Variants in HS3ST4 observed in about 807,000 individuals in gnomAD.
HS3ST4 encodes heparan sulfate glucosamine 3-O-sulfotransferase 4.
In HS3ST4, 17 loss-of-function variants were observed where a neutral mutation model predicts 29.2. The ratio of observed to expected loss-of-function variants is 0.58; its 90% CI spans 0.40 to 0.87. The LOEUF (loss-of-function observed/expected upper bound fraction) is 0.87. Among genes scored for constraint, HS3ST4 ranks in the 40% least tolerant of loss-of-function variants. The pLI, the probability that HS3ST4 is intolerant of heterozygous loss-of-function variation, is 0.00. For synonymous variants in HS3ST4, 314 were observed against 285.7 expected (o/e 1.10, Z -1.00); for missense variants, 627 against 634.5 (o/e 0.99, Z 0.13).
intron 1 of HS3ST4, among the ~76,000 whole-genome samples, chr16:25,793,911 TA>T (rs1214240686): frequency 6.6e-6 from 1 of 152,060 alleles, no homozygotes; most frequent in Non-Finnish European, 1.5e-5. Context: ...TTTAGATTTT[TA>T]GTTTTCCATG....
chr16:25,931,151 G>A (rs965525884), intron 1 of HS3ST4, among the ~76,000 whole-genome samples: 79 of 152,130 alleles, frequency 5.2e-4, no homozygotes, highest in African/African-American at 1.7e-3. Flanking sequence ...TTTGGGGACC[G>A]CGTACCTTTC....
At chr16:25,863,607 TCTATCTTG>T (rs1201536334) in intron 1 of HS3ST4, among the ~76,000 whole-genome samples, 1 of 148,944 alleles carries the variant, frequency 6.7e-6, no homozygotes, top group Non-Finnish European at 1.5e-5. Context: ...AAAGAAATAC[TCTATCTTG>T]CTTGAAGAGA....
At chr16:25,924,461 A>G (rs1448340581) in intron 1 of HS3ST4, among the ~76,000 whole-genome samples, 2 of 152,210 alleles carry the variant, frequency 1.3e-5, no homozygotes, top group Non-Finnish European at 2.9e-5. Context: ...CTGTGCTAGA[A>G]ATCCTTTAGG....
At chr16:25,857,892 T>C (rs1246297939) in intron 1 of HS3ST4, among the ~76,000 whole-genome samples, 25 of 82,768 alleles carry the variant, frequency 3.0e-4, no homozygotes, top group African/African-American at 9.0e-4. Context: ...CTTTCTTTCT[T>C]TTTCTTTCTT....
intron 1 of HS3ST4, among the ~76,000 whole-genome samples, chr16:25,732,914 G>T (rs1014901978): frequency 3.9e-5 from 6 of 152,076 alleles, no homozygotes; most frequent in Non-Finnish European, 8.8e-5. Flanking sequence ...TTATAGCCCT[G>T]TGCCTAGCCC....
intron 1 of HS3ST4, among the ~76,000 whole-genome samples, chr16:25,768,999 G>A (rs11074717): frequency 0.67 from 102,408 of 151,938 alleles, 34,757 homozygotes; most frequent in Middle Eastern, 0.73. Context: ...CACTGATGTG[G>A]TCTTTCTGGC....
chr16:25,905,457 C>A (rs1254195802), intron 1 of HS3ST4, among the ~76,000 whole-genome samples: 2 of 152,118 alleles, frequency 1.3e-5, no homozygotes, highest in Non-Finnish European at 2.9e-5. Flanking sequence ...TACCTTGTTT[C>A]TCAAAGAGTG....
chr16:25,921,629 C>T (rs1223156218), intron 1 of HS3ST4, among the ~76,000 whole-genome samples: 1 of 152,158 alleles, frequency 6.6e-6, no homozygotes, highest in Non-Finnish European at 1.5e-5. Context: ...TTCTTGTCAT[C>T]TCATCAGCAG....
chr16:25,956,490 G>A (rs1331313561), intron 1 of HS3ST4, among the ~76,000 whole-genome samples: 1 of 152,090 alleles, frequency 6.6e-6, no homozygotes, highest in African/African-American at 2.4e-5. Context: ...GAAATCTAGG[G>A]CATCCAAATT....
intron 1 of HS3ST4, among the ~76,000 whole-genome samples, chr16:25,915,994 T>G (rs58109786): frequency 0.34 from 52,284 of 152,054 alleles, 11,234 homozygotes; most frequent in African/African-American, 0.6. Flanking sequence ...ATGATCAGTA[T>G]CAGTTTTTAG....
intron 1 of HS3ST4, among the ~76,000 whole-genome samples, chr16:25,750,499 T>C (rs1372941434): frequency 6.6e-6 from 1 of 152,210 alleles, no homozygotes; most frequent in African/African-American, 2.4e-5. Context: ...GACCTGATGC[T>C]ACCTTTGTGT....
At chr16:25,697,234 T>G (rs1240849851) in intron 1 of HS3ST4, among the ~76,000 whole-genome samples, 1 of 152,154 alleles carries the variant, frequency 6.6e-6, no homozygotes, top group Non-Finnish European at 1.5e-5. Context: ...GTGGGAGGGT[T>G]GTGGAGACAG....
intron 1 of HS3ST4, among the ~76,000 whole-genome samples, chr16:25,769,988 C>T (rs1966839858): frequency 6.6e-6 from 1 of 152,154 alleles, no homozygotes; most frequent in South Asian, 2.1e-4. Context: ...TTGGGGGTCA[C>T]TGAAAGGATT....
At chr16:25,987,274 G>A (rs993214769) in intron 1 of HS3ST4, among the ~76,000 whole-genome samples, 5 of 151,986 alleles carry the variant, frequency 3.3e-5, no homozygotes, top group East Asian at 1.9e-4. Flanking sequence ...CGCTTGAACC[G>A]GGAGGCAGAG....
intron 1 of HS3ST4, among the ~76,000 whole-genome samples, chr16:25,923,573 T>C (rs1283419032): frequency 1.3e-5 from 2 of 152,324 alleles, no homozygotes; most frequent in East Asian, 1.9e-4. Flanking sequence ...TTCATTATAC[T>C]GTATTTACCT....
intron 1 of HS3ST4, among the ~76,000 whole-genome samples, chr16:26,102,837 C>T (rs1204944910): frequency 2.6e-5 from 4 of 152,100 alleles, no homozygotes; most frequent in Admixed American, 6.6e-5. Context: ...TTTTCAAAGG[C>T]GTTGCAGGTT....
chr16:25,943,670 T>G (rs1774579587), intron 1 of HS3ST4, among the ~76,000 whole-genome samples: 1 of 152,210 alleles, frequency 6.6e-6, no homozygotes, highest in Non-Finnish European at 1.5e-5. Context: ...ACGAATTCCA[T>G]TTTTAGCTCT....
intron 1 of HS3ST4, among the ~76,000 whole-genome samples, chr16:25,930,897 AAAAAAC>A (rs1303826665): frequency 2.4e-4 from 37 of 152,122 alleles, no homozygotes; most frequent in African/African-American, 5.8e-4. Flanking sequence ...TTTCCTTCTG[AAAAAAC>A]AAAAACAAAA....
chr16:25,910,455 A>G (rs1026889844), intron 1 of HS3ST4, among the ~76,000 whole-genome samples: 1 of 152,132 alleles, frequency 6.6e-6, no homozygotes, highest in African/African-American at 2.4e-5. Context: ...AACCTGGCCA[A>G]TATGGTGAAA....
Sources: allele counts gnomAD v4.1 joint callset (sites outside exome capture counted in the v4.1 genomes callset), GRCh38; gene constraint gnomAD v4.1.1; transcripts MANE v1.5; gene names NCBI Gene and HGNC (gene_info 2026-07-23, HGNC 2026-07-21).